DOP1B: variants seen among roughly 807,000 people sequenced by gnomAD.
DOP1B encodes the protein protein DOP1B.
In DOP1B, 174 loss-of-function variants were observed where a neutral mutation model predicts 233.5. That is an observed-to-expected ratio of 0.75 (90% CI 0.66 to 0.85). The LOEUF (loss-of-function observed/expected upper bound fraction) is 0.85, where lower values mean the gene tolerates loss of function less well. DOP1B is among the 40% of genes least tolerant of loss of function. The pLI, the probability that DOP1B is intolerant of heterozygous loss-of-function variation, is 0.00. For synonymous variants in DOP1B, 1,190 were observed against 1,185.6 expected (o/e 1.00, Z -0.08); for missense variants, 2,652 against 2,846.6 (o/e 0.93, Z 1.56).
chr21:36,174,562 T>C (rs2066003874), intron 2 of DOP1B, among the ~76,000 whole-genome samples: 1 of 152,200 alleles, frequency 6.6e-6, no homozygotes, highest in Admixed American at 6.5e-5. Context: ...TGGAGTGCAA[T>C]GGCATGATCT....
intron 15 of DOP1B, among the ~76,000 whole-genome samples, chr21:36,234,963 A>G (rs1227160484): frequency 1.3e-5 from 2 of 152,162 alleles, no homozygotes. Context: ...CACCTTAAGC[A>G]TTTATCATTT....
intron 5 of DOP1B, 50 bp downstream of exon 5, chr21:36,208,954 A>C: frequency 6.9e-7 from 1 of 1,453,082 alleles, no homozygotes; most frequent in Non-Finnish European, 9.1e-7. Context: ...ACATGTGGGC[A>C]CAGCATCCTC....
chr21:36,214,228 G>A, intron 8 of DOP1B, 38 bp downstream of exon 8: 1 of 1,532,632 alleles, frequency 6.5e-7, no homozygotes, highest in East Asian at 2.3e-5. Context: ...GGTATCCTTG[G>A]TGACGATTCT....
intron 1 of DOP1B, among the ~76,000 whole-genome samples, chr21:36,159,876 T>C (rs911027738): frequency 6.6e-6 from 1 of 152,260 alleles, no homozygotes; most frequent in African/African-American, 2.4e-5. Context: ...GTCCACCCTC[T>C]GTCACTTATG....
chr21:36,287,969 T>A, intron 32 of DOP1B, 45 bp from the exon 33 acceptor site: 1 of 1,595,300 alleles, frequency 6.3e-7, no homozygotes, highest in Non-Finnish European at 8.5e-7. Context: ...TAAGAAACCC[T>A]AAACTGCATA....
At chr21:36,238,567 C>G (rs750402181) in intron 16 of DOP1B, 34 bp from the exon 17 acceptor site, 2 of 1,601,712 alleles carry the variant, frequency 1.2e-6, no homozygotes, top group Admixed American at 3.3e-5. Flanking sequence ...GTTACAAAAC[C>G]AAGTTCCTCA....
At position 36,219,406 on chromosome 21, in the gene DOP1B, C is replaced by A. The variant is rs141115220; in HGVS notation, c.1164C>A (p.Val388=). Residue 388 remains valine, a synonymous_variant, in exon 10 of 37, where the codon GTC becomes GTA. Coordinates refer to ENST00000691173, the MANE Select transcript of DOP1B (RefSeq NM_001320714.2). ...PQVVGNLFLE[V]IRAFYSYCRD... is the part of the protein sequence containing the mutation. Reference sequence around the variant, plus strand: ...TGGTTGGGAATTTGTTTCTCGAAGTCATCAGGGCCTTTTATTCTTACTGCA... The same window carrying A: ...TGGTTGGGAATTTGTTTCTCGAAGTAATCAGGGCCTTTTATTCTTACTGCA... 72 of 1,614,054 alleles carry A rather than the reference C, an allele frequency of 4.5e-5. No individual in the cohort carries two copies. Among genetic ancestry groups the A allele is most frequent in the Non-Finnish European group, 5.4e-5 (64 of 1,180,044 alleles).
rs5843755 is a variant in DOP1B, at chr21:36,247,633, AT to A, written c.4809+16del. 1,227 of 1,384,308 alleles carry A rather than the reference AT, an allele frequency of 8.9e-4. No homozygotes were observed. Among genetic ancestry groups the A allele is most frequent in the Admixed American group, 1.7e-3 (80 of 45,874 alleles). 85.8% of individuals were successfully genotyped at this position (1,384,308 alleles called of 1,614,324 possible). A position where few individuals can be genotyped will look rare whatever the true frequency, so the allele number is the denominator to read the frequency against. ...CAAGCCAACCAAAACAAAAAGGTAA[AT>A]TTTTTTTTTTCCTGAGTTCAAGGCA... On this transcript the variant is annotated splice_donor_region_variant and intron_variant, in intron 20 of 36. Transcript: ENST00000691173.
At chr21:36,159,100 C>T (rs1363060934) in intron 1 of DOP1B, among the ~76,000 whole-genome samples, 1 of 151,930 alleles carries the variant, frequency 6.6e-6, no homozygotes, top group Non-Finnish European at 1.5e-5. Flanking sequence ...CCATTTTACC[C>T]CAGCCTGGGT....
At chr21:36,242,336 C>A (rs1309655246) in intron 18 of DOP1B, among the ~76,000 whole-genome samples, 3 of 151,976 alleles carry the variant, frequency 2.0e-5, no homozygotes, top group Non-Finnish European at 2.9e-5. Context: ...CCACAGCCAA[C>A]TAATTTTTTG....
Position 36,165,706 on chromosome 21 carries a change from C to T in DOP1B, c.138+835C>T, listed in dbSNP as rs1329198000. 4.1e-5 allele frequency among the ~76,000 whole-genome samples: 6 copies of T among 146,452 alleles called. No individual in the cohort carries two copies. The Admixed American group carries it at 4.3e-4, about 10-fold the overall frequency. On this transcript the variant is annotated intron_variant, in intron 2 of 36. Transcript: ENST00000691173. ...ATGTGAGGGATCTAGGTTGCATGCT[C>T]TTTAGGAGAATCTTTTTTTTTTTTT...
chr21:36,199,678 C>T (rs1421047336), intron 3 of DOP1B, among the ~76,000 whole-genome samples: 1 of 151,968 alleles, frequency 6.6e-6, no homozygotes, highest in East Asian at 1.9e-4. Context: ...TGAGTGAGAA[C>T]ATGCCATGTT....
chr21:36,175,354 G>A lies in DOP1B; in HGVS notation c.138+10483G>A, dbSNP rs563355453. Among the ~76,000 whole-genome samples, 253 of 151,598 alleles carry A rather than the reference G, an allele frequency of 1.7e-3. 4 individuals carry two copies. Among genetic ancestry groups the A allele is most frequent in the South Asian group, 0.012 (56 of 4,796 alleles). Reference sequence around the variant, plus strand: ...TCGAACTCCTGACCTTAAGTGATCCGCCCGCCTCGGCCTCCCAAAGTGCTG... The same window carrying A: ...TCGAACTCCTGACCTTAAGTGATCCACCCGCCTCGGCCTCCCAAAGTGCTG... On this transcript the variant is annotated intron_variant, in intron 2 of 36. Coordinates refer to ENST00000691173, the MANE Select transcript of DOP1B (RefSeq NM_001320714.2).
intron 2 of DOP1B, among the ~76,000 whole-genome samples, chr21:36,198,218 A>G (rs898364488): frequency 1.1e-4 from 16 of 152,066 alleles, no homozygotes; most frequent in African/African-American, 3.6e-4. Flanking sequence ...TCACAAGGTC[A>G]GGAGATTGAG....
At chr21:36,181,971 T>C (rs2066103770) in intron 2 of DOP1B, among the ~76,000 whole-genome samples, 2 of 152,246 alleles carry the variant, frequency 1.3e-5, no homozygotes, top group Non-Finnish European at 2.9e-5. Flanking sequence ...AAGAAAGGCA[T>C]GTCATTTCAT....
At chr21:36,197,254 G>A (rs915538218) in intron 2 of DOP1B, among the ~76,000 whole-genome samples, 2 of 151,998 alleles carry the variant, frequency 1.3e-5, no homozygotes, top group East Asian at 1.9e-4. Flanking sequence ...TTTTAAAGAT[G>A]TCATTTTATT....
intron 2 of DOP1B, among the ~76,000 whole-genome samples, chr21:36,198,424 A>C (rs554233969): frequency 6.7e-6 from 1 of 150,174 alleles, no homozygotes; most frequent in East Asian, 1.9e-4. Context: ...GCAAGACTGC[A>C]TCTCACAAAA....
rs910939792 is a variant in DOP1B, at chr21:36,251,075, C to T, written c.4999-87C>T. On this transcript the variant is annotated intron_variant, in intron 21 of 36. Transcript: ENST00000691173. ...ACAAACATGACAGGGTCCTTGCTCT[C>T]GGTATGGACAGCAGTGGTGGTTCAA... 12 of 1,488,540 alleles carry T rather than the reference C, an allele frequency of 8.1e-6. 1 individual carries two copies. The highest frequency in any genetic ancestry group is 5.5e-5 in the South Asian group (4 of 73,150). 92.2% of individuals were successfully genotyped at this position (1,488,540 alleles called of 1,614,324 possible).
intron 12 of DOP1B, among the ~76,000 whole-genome samples, chr21:36,226,046 A>T (rs1278913902): frequency 6.6e-6 from 1 of 152,168 alleles, no homozygotes; most frequent in Non-Finnish European, 1.5e-5. Flanking sequence ...AAACGTGCCA[A>T]TTTTATTTTT....
Sources: gnomAD v4.1 joint callset for allele counts (sites outside exome capture counted in the v4.1 genomes callset) on GRCh38, gnomAD v4.1.1 for gene constraint, MANE v1.5 for transcripts, NCBI Gene and HGNC (gene_info 2026-07-23, HGNC 2026-07-21) for gene names.